Variants in VSIG10L2 observed in about 807,000 individuals in gnomAD.
VSIG10L2 encodes the protein V-set and immunoglobulin domain containing 10 like 2, also known as V-set and immunoglobulin domain-containing protein 10-like 2.
Under a neutral mutation model 67.1 loss-of-function variants are expected in VSIG10L2, and 56 were observed. The ratio of observed to expected loss-of-function variants is 0.83; its 90% CI spans 0.67 to 1.04. The LOEUF is 1.04. Among genes scored for constraint, VSIG10L2 ranks in the 50% least tolerant of loss-of-function variants. The pLI, the probability that VSIG10L2 is intolerant of heterozygous loss-of-function variation, is 0.00. For missense variants in VSIG10L2, 843 were observed against 932.8 expected (o/e 0.90, Z 1.25); for synonymous variants, 360 against 396.6 (o/e 0.91, Z 1.10).
In VSIG10L2 at chr11:125,954,148, G is replaced by A. The variant is rs965060224; in HGVS notation, c.1848G>A (p.Glu616=). Residue 616 remains glutamate (E), a synonymous_variant, in exon 8 of 12, where the codon GAG becomes GAA. Transcript: ENST00000686984. Reference sequence around the variant, plus strand: ...TGACCTACGGGAGGCACCGGAGAGAGGTGCAGCTTCAATGGGCCATCTTAG... The same window carrying A: ...TGACCTACGGGAGGCACCGGAGAGAAGTGCAGCTTCAATGGGCCATCTTAG... ...SRLTYGRHRR[E]VQLQWAILGP... is the part of the protein sequence containing the mutation. 1.6e-6 allele frequency: 2 copies of A among 1,232,236 alleles called. No individual in the cohort carries two copies. Among genetic ancestry groups the A allele is most frequent in the African/African-American group, 1.5e-5 (1 of 64,534 alleles). 76.3% of individuals were successfully genotyped at this position (1,232,236 alleles called of 1,614,324 possible). A position where few individuals can be genotyped will look rare whatever the true frequency, so the allele number is the denominator to read the frequency against.
intron 8 of VSIG10L2, among the ~76,000 whole-genome samples, chr11:125,954,629 C>G (rs1945427380): frequency 6.6e-6 from 1 of 152,106 alleles, no homozygotes; most frequent in African/African-American, 2.4e-5. Flanking sequence ...TTCATGTGAT[C>G]AGAATAGAGA....
Position 125,947,822 on chromosome 11 carries a change from C to A in VSIG10L2, c.219C>A (p.Gly73=), listed in dbSNP as rs903171977. ...LLVLWSFTPL[G]SLVPRPVAVT... ...TCCTCTGGAGCTTCACCCCCCTGGG[C>A]TCCCTGGTTCCCCGGCCTGTGGCCG... The change falls in exon 2 of 12, where the codon GGC becomes GGA. Residue 73 remains glycine (G), a synonymous_variant. Coordinates refer to ENST00000686984, the MANE Select transcript of VSIG10L2 (RefSeq NM_001365077.2). 10 of 1,232,606 alleles carry A rather than the reference C, an allele frequency of 8.1e-6. No individual in the cohort carries two copies. Among genetic ancestry groups the A allele is most frequent in the Non-Finnish European group, 1.0e-5 (10 of 988,336 alleles). 76.4% of individuals were successfully genotyped at this position (1,232,606 alleles called of 1,614,324 possible).
chr11:125,951,800 T>A lies in VSIG10L2; in HGVS notation c.1235-13T>A. ...CCTTCCACAGGGCCATACTGAGCCATCATTCCTTCCAGGGGAGCCTCTCGG... is the reference window on the plus strand; with the variant it reads ...CCTTCCACAGGGCCATACTGAGCCAACATTCCTTCCAGGGGAGCCTCTCGG... On this transcript the variant is annotated splice_polypyrimidine_tract_variant and intron_variant, in intron 5 of 11. Transcript: ENST00000686984. 6.7e-7 allele frequency: 1 copy of A among 1,483,568 alleles called. No homozygotes were observed. The highest frequency in any genetic ancestry group is 2.1e-5 in the Admixed American group (1 of 47,904). The allele number at this position is 1,483,568 out of a possible 1,614,324, so 91.9% of individuals were successfully genotyped here. A position where few individuals can be genotyped will look rare whatever the true frequency, so the allele number is the denominator to read the frequency against.
chr11:125,953,370 T>C, intron 6 of VSIG10L2, 30 bp from the exon 7 acceptor site: 1 of 1,232,250 alleles, frequency 8.1e-7, no homozygotes. Context: ...GCCCTCCCAC[T>C]AGCCGGCCTC....
intron 6 of VSIG10L2, 74 bp downstream of exon 6, chr11:125,952,147 T>A (rs1945386391): frequency 6.9e-7 from 1 of 1,450,352 alleles, no homozygotes; most frequent in Non-Finnish European, 9.1e-7. Context: ...GATAAAGAGA[T>A]CTTAGGGGGT....
chr11:125,947,429 G>T, intron 1 of VSIG10L2: 17 of 985,422 alleles, frequency 1.7e-5, no homozygotes, highest in Non-Finnish European at 2.0e-5. Context: ...GACCCATGAG[G>T]AGTGGGGATG....
At chr11:125,948,068 G>A (rs766871068) in intron 2 of VSIG10L2, 32 bp downstream of exon 2, 85 of 1,232,346 alleles carry the variant, frequency 6.9e-5, no homozygotes, top group Admixed American at 8.4e-5. Context: ...CAGCTGGTCC[G>A]CGGGCTGCTT....
chr11:125,955,065 C>G lies in VSIG10L2; in HGVS notation c.2092C>G (p.Pro698Ala). 10 of 1,235,012 alleles carry G rather than the reference C, an allele frequency of 8.1e-6. No homozygotes were observed. Among genetic ancestry groups the G allele is most frequent in the Non-Finnish European group, 1.0e-5 (10 of 990,124 alleles). 76.5% of individuals were successfully genotyped at this position (1,235,012 alleles called of 1,614,324 possible). Reference sequence around the variant, plus strand: ...GTGCTCTCCCCTCCTAGCGGACCCCCCCTTCAGCGCCTACCCAGCGGTGTT... The same window carrying G: ...GTGCTCTCCCCTCCTAGCGGACCCCGCCTTCAGCGCCTACCCAGCGGTGTT... ...PSEVKIPADP[P>A]FSAYPAVLGA... The change falls in exon 9 of 12, where the codon CCC becomes GCC. Residue 698 changes from proline to alanine, a missense_variant. Around this residue, in one of 2 missense-constraint regions of VSIG10L2, gnomAD observed 397 missense variants for 384.4 expected, o/e 1.03. Transcript: ENST00000686984.
chr11:125,946,296 TG>T lies in VSIG10L2; in HGVS notation c.82+160del. 6.6e-6 allele frequency among the ~76,000 whole-genome samples: 1 copy of T among 152,358 alleles called. No individual in the cohort carries two copies. Among genetic ancestry groups the T allele is most frequent in the African/African-American group, 2.4e-5 (1 of 41,594 alleles). ...ACTAGCGTTCACTGAGCGACTACTATGTGCCACGTAGGTGAGAGCACTCTGC... is the reference window on the plus strand; with the variant it reads ...ACTAGCGTTCACTGAGCGACTACTATTGCCACGTAGGTGAGAGCACTCTGC... On this transcript the variant is annotated intron_variant, in intron 1 of 11. Coordinates refer to ENST00000686984, the MANE Select transcript of VSIG10L2 (RefSeq NM_001365077.2). This position sits in a 1 kb window ranked among gnomAD's most constrained non-coding sequence, Gnocchi z 4.4.
chr11:125,954,486 C>T, intron 8 of VSIG10L2, 103 bp downstream of exon 8: 1 of 1,009,406 alleles, frequency 9.9e-7, no homozygotes, highest in Non-Finnish European at 1.3e-6. Context: ...CCTTTGCTCG[C>T]ATCCTACTGA....
intron 5 of VSIG10L2, among the ~76,000 whole-genome samples, 174 bp downstream of exon 5, chr11:125,951,332 T>C (rs1318021746): frequency 1.3e-5 from 2 of 152,142 alleles, no homozygotes; most frequent in African/African-American, 4.8e-5. Flanking sequence ...ATCTCCCATC[T>C]TTCCCATCCA....
rs959166340 is a variant in VSIG10L2, at chr11:125,955,931, T to C, written c.*17T>C. The C allele has an allele frequency of 1.5e-5, 10 of 647,828 alleles. No homozygotes were observed. Among genetic ancestry groups the C allele is most frequent in the East Asian group, 2.7e-5 (1 of 36,902 alleles). 40.1% of individuals were successfully genotyped at this position (647,828 alleles called of 1,614,324 possible). A position where few individuals can be genotyped will look rare whatever the true frequency, so the allele number is the denominator to read the frequency against. Reference sequence around the variant, plus strand: ...ACACCATAAGGCCCAAAGAGGAAGATGCAAATAGGCTTAGGGAGGGCAGGT... The same window carrying C: ...ACACCATAAGGCCCAAAGAGGAAGACGCAAATAGGCTTAGGGAGGGCAGGT... On this transcript the variant is annotated 3_prime_UTR_variant, in exon 12 of 12. Transcript: ENST00000686984.
At position 125,956,093 on chromosome 11, in the gene VSIG10L2, T is replaced by G. The variant is rs536335280; in HGVS notation, c.*179T>G. On this transcript the variant is annotated 3_prime_UTR_variant, in exon 12 of 12. Coordinates refer to ENST00000686984, the MANE Select transcript of VSIG10L2 (RefSeq NM_001365077.2). ...GCTGCAGTGTCCCTAAGTGACATGG[T>G]TACAAGAGAAGCCCTGGCCCACCTT... 30 of 687,846 alleles carry G rather than the reference T, an allele frequency of 4.4e-5. No individual in the cohort carries two copies. Among genetic ancestry groups the G allele is most frequent in the South Asian group, 2.3e-4 (15 of 66,580 alleles). 42.6% of individuals were successfully genotyped at this position (687,846 alleles called of 1,614,324 possible). A position where few individuals can be genotyped will look rare whatever the true frequency, so the allele number is the denominator to read the frequency against.
chr11:125,953,574 C>T lies in VSIG10L2; in HGVS notation c.1670C>T (p.Ala557Val). ...TSGFMLHPEG[A>V]QLRLGIYDAD... ...GGATTCATGCTGCACCCTGAGGGTG[C>T]CCAGCTGCGCCTGGGCATCTACGAT... Residue 557 changes from alanine (A) to valine (V), a missense_variant, in exon 7 of 12, where the codon GCC becomes GTC. This residue lies in a region of VSIG10L2 where 397 missense variants were observed against 384.4 expected (regional missense o/e 1.03). Coordinates refer to ENST00000686984, the MANE Select transcript of VSIG10L2 (RefSeq NM_001365077.2). 3 of 1,232,200 alleles carry T rather than the reference C, an allele frequency of 2.4e-6. No individual in the cohort carries two copies. The highest frequency in any genetic ancestry group is 3.0e-6 in the Non-Finnish European group (3 of 988,006). 76.3% of individuals were successfully genotyped at this position (1,232,200 alleles called of 1,614,324 possible).
At position 125,956,159 on chromosome 11, in the gene VSIG10L2, A is replaced by T. The variant is rs776272843; in HGVS notation, c.*245A>T. 1 of 634,728 alleles carries T rather than the reference A, an allele frequency of 1.6e-6. No individual in the cohort carries two copies. The highest frequency in any genetic ancestry group is 2.9e-6 in the Non-Finnish European group (1 of 342,988). The allele number at this position is 634,728 out of a possible 1,614,324, so 39.3% of individuals were successfully genotyped here. On this transcript the variant is annotated 3_prime_UTR_variant, in exon 12 of 12. Coordinates refer to ENST00000686984, the MANE Select transcript of VSIG10L2 (RefSeq NM_001365077.2). ...GGCAGGACAAGGAAGAGGACCCACA[A>T]TGGGGAGACAGGGATCTCTGGGTGT...
intron 4 of VSIG10L2, 131 bp downstream of exon 4, chr11:125,950,420 G>A (rs1414307091): frequency 1.0e-6 from 1 of 978,898 alleles, no homozygotes; most frequent in Non-Finnish European, 1.3e-6. Context: ...TCTTGTTGGA[G>A]GGAGGTCTCC....
chr11:125,947,948 T>C lies in VSIG10L2; in HGVS notation c.345T>C (p.Gly115=), dbSNP rs1945318864. Residue 115 remains glycine, a synonymous_variant, in exon 2 of 12, where the codon GGT becomes GGC. Transcript: ENST00000686984. ...TGGTGCTGGGGGAGCTTCACGAGGG[T>C]GCCCGTGGCCACTTCCTATGCCAGG... is the stretch of plus-strand genomic sequence containing the variant. ...SSLVLGELHE[G]ARGHFLCQVL... is the part of the protein sequence containing the mutation. 3 of 1,232,286 alleles carry C rather than the reference T, an allele frequency of 2.4e-6. No individual in the cohort carries two copies. The highest frequency in any genetic ancestry group is 3.0e-6 in the Non-Finnish European group (3 of 988,094). 76.3% of individuals were successfully genotyped at this position (1,232,286 alleles called of 1,614,324 possible).
chr11:125,948,805 G>A (rs1945327789), intron 3 of VSIG10L2, among the ~76,000 whole-genome samples: 1 of 152,274 alleles, frequency 6.6e-6, no homozygotes, highest in Non-Finnish European at 1.5e-5. Context: ...CCCTTTTCCA[G>A]GAAAACGTGC....
intron 2 of VSIG10L2, 25 bp from the exon 3 acceptor site, chr11:125,948,280 G>A (rs535758450): frequency 8.1e-7 from 1 of 1,232,390 alleles, no homozygotes; most frequent in East Asian, 3.2e-5. Context: ...TAATAACACA[G>A]CGGGCCTCTC....
Sources: gnomAD v4.1 joint callset for allele counts (sites outside exome capture counted in the v4.1 genomes callset) on GRCh38, gnomAD v4.1.1 for gene constraint, gnomAD v4.1.1 regional missense constraint, Gnocchi (gnomAD v3.1) non-coding constraint, MANE v1.5 for transcripts, NCBI Gene and HGNC (gene_info 2026-07-23, HGNC 2026-07-21) for gene names.